UNC13C: variants seen among roughly 807,000 people sequenced by gnomAD.
UNC13C encodes unc-13 homolog C, also known as protein unc-13 homolog C.
In UNC13C, 174 loss-of-function variants were observed where a neutral mutation model predicts 245.4. That is an observed-to-expected ratio of 0.71 (90% CI 0.63 to 0.80). UNC13C has a LOEUF of 0.80. Among genes scored for constraint, UNC13C ranks in the 30% least tolerant of loss-of-function variants. The pLI is 0.00. For missense variants in UNC13C, 2,829 were observed against 2,602.9 expected (o/e 1.09, Z -1.89); for synonymous variants, 992 against 895.1 (o/e 1.11, Z -1.93).
At chr15:54,212,320 A>G (rs528902442) in intron 4 of UNC13C, among the ~76,000 whole-genome samples, 7 of 152,072 alleles carry the variant, frequency 4.6e-5, no homozygotes, top group Non-Finnish European at 7.4e-5. Context: ...AGATGTTTGT[A>G]TCATTTTTAT....
intron 29 of UNC13C, among the ~76,000 whole-genome samples, chr15:54,557,573 C>A (rs1897140230): frequency 6.6e-6 from 1 of 151,574 alleles, no homozygotes; most frequent in African/African-American, 2.4e-5. Context: ...TTCAATGTCT[C>A]CCCGGAGCCC....
intron 2 of UNC13C, among the ~76,000 whole-genome samples, chr15:54,019,313 A>G (rs983906357): frequency 6.6e-6 from 1 of 152,214 alleles, no homozygotes. Context: ...AACTGATAAG[A>G]GATGAAGAAC....
intron 4 of UNC13C, among the ~76,000 whole-genome samples, chr15:54,186,590 G>C (rs2033991297): frequency 6.6e-6 from 1 of 151,740 alleles, no homozygotes; most frequent in African/African-American, 2.4e-5. Context: ...AAGAATGTAT[G>C]TTATTATTTT....
chr15:54,040,469 A>G (rs1412848105), intron 2 of UNC13C, among the ~76,000 whole-genome samples: 1 of 152,188 alleles, frequency 6.6e-6, no homozygotes, highest in Non-Finnish European at 1.5e-5. Flanking sequence ...AATTTTAACA[A>G]GGGCTTCAGG....
At chr15:53,908,655 A>C in the UNC13C span, among the ~76,000 whole-genome samples, 1 of 141,854 alleles carries the variant, frequency 7.0e-6, no homozygotes, top group Non-Finnish European at 1.6e-5. Flanking sequence ...GGGGGACTGC[A>C]GAAGGAGGAT....
At chr15:53,952,554 T>C in the UNC13C span, among the ~76,000 whole-genome samples, 1 of 152,242 alleles carries the variant, frequency 6.6e-6, no homozygotes, top group Non-Finnish European at 1.5e-5. Flanking sequence ...TTGAAACACC[T>C]TGGGACCTTT....
At chr15:54,112,759 C>T (rs1007268003) in intron 2 of UNC13C, among the ~76,000 whole-genome samples, 7 of 152,164 alleles carry the variant, frequency 4.6e-5, no homozygotes, top group Non-Finnish European at 1.0e-4. Flanking sequence ...TCACTATCTG[C>T]CAAAATAATT....
chr15:54,069,623 A>G (rs537411179), intron 2 of UNC13C, among the ~76,000 whole-genome samples: 1 of 152,316 alleles, frequency 6.6e-6, no homozygotes, highest in Admixed American at 6.5e-5. Context: ...ATAACTTGTC[A>G]TGGGCCATGT....
chr15:54,551,044 C>T (rs1383216317), intron 28 of UNC13C, among the ~76,000 whole-genome samples: 3 of 152,124 alleles, frequency 2.0e-5, no homozygotes, highest in Non-Finnish European at 2.9e-5. Context: ...GAAAGCCAAA[C>T]ATAAGCAAAC....
At chr15:53,949,959 A>C in the UNC13C span, among the ~76,000 whole-genome samples, 1 of 152,178 alleles carries the variant, frequency 6.6e-6, no homozygotes, top group Non-Finnish European at 1.5e-5. Flanking sequence ...TTGTTTTTTC[A>C]TATTTTTGGA....
At chr15:54,580,032 G>A (rs997008150) in intron 30 of UNC13C, among the ~76,000 whole-genome samples, 1 of 152,138 alleles carries the variant, frequency 6.6e-6, no homozygotes, top group Admixed American at 6.5e-5. Context: ...AAGTTGTCTG[G>A]GAATCTTGTG....
chr15:54,604,898 A>C (rs1006425440), intron 30 of UNC13C, among the ~76,000 whole-genome samples: 3 of 152,238 alleles, frequency 2.0e-5, no homozygotes, highest in African/African-American at 7.2e-5. Flanking sequence ...GTCTGGACCC[A>C]GACCTACCTA....
chr15:54,563,054 C>T (rs938285482), intron 29 of UNC13C, among the ~76,000 whole-genome samples: 1 of 151,894 alleles, frequency 6.6e-6, no homozygotes, highest in Non-Finnish European at 1.5e-5. Context: ...GTTGTTAAGC[C>T]ACATCACCCC....
chr15:53,908,641 G>A, the UNC13C span, among the ~76,000 whole-genome samples: 1 of 143,004 alleles, frequency 7.0e-6, no homozygotes, highest in East Asian at 2.0e-4. Flanking sequence ...TGTAGTCCCA[G>A]CTTGGGGGAC....
At chr15:53,929,866 A>T in the UNC13C span, among the ~76,000 whole-genome samples, 1 of 152,240 alleles carries the variant, frequency 6.6e-6, no homozygotes, top group East Asian at 1.9e-4. Flanking sequence ...CTATGAGAAT[A>T]ATATCAAAAA....
the UNC13C span, among the ~76,000 whole-genome samples, chr15:53,890,452 T>G: frequency 6.6e-6 from 1 of 152,172 alleles, no homozygotes; most frequent in African/African-American, 2.4e-5. Flanking sequence ...CCAGTTCCTC[T>G]TTGTACCTCT....
intron 13 of UNC13C, among the ~76,000 whole-genome samples, chr15:54,312,301 G>A (rs974473596): frequency 2.6e-5 from 4 of 151,536 alleles, no homozygotes; most frequent in Non-Finnish European, 5.9e-5. Flanking sequence ...CTTTGAATAC[G>A]TGTTTGCTGA....
intron 28 of UNC13C, among the ~76,000 whole-genome samples, chr15:54,553,641 A>C (rs1221617172): frequency 6.6e-6 from 1 of 150,884 alleles, no homozygotes; most frequent in African/African-American, 2.4e-5. Context: ...TACACCTGAG[A>C]CTCTGAGTTT....
intron 2 of UNC13C, among the ~76,000 whole-genome samples, chr15:54,083,977 A>G (rs1234270667): frequency 6.6e-6 from 1 of 152,160 alleles, no homozygotes; most frequent in Non-Finnish European, 1.5e-5. Flanking sequence ...GAAGTTTCCA[A>G]ATCGCCACGG....
Sources: allele counts gnomAD v4.1 joint callset (sites outside exome capture counted in the v4.1 genomes callset), GRCh38; gene constraint gnomAD v4.1.1; transcripts MANE v1.5; gene names NCBI Gene and HGNC (gene_info 2026-07-23, HGNC 2026-07-21).